The following SLC24A4 variants were observed in gnomAD, a reference collection of about 807,000 sequenced individuals.
The protein encoded by SLC24A4 is sodium/potassium/calcium exchanger 4.
Under a neutral mutation model 79.0 loss-of-function variants are expected in SLC24A4, and 53 were observed. That is an observed-to-expected ratio of 0.67 (90% CI 0.54 to 0.84). The LOEUF is 0.84. Ranked by LOEUF, SLC24A4 falls within the 40% of genes least tolerant of loss-of-function variation. SLC24A4 has a pLI of 0.00. For missense variants in SLC24A4, 731 were observed against 822.0 expected, an observed-to-expected ratio of 0.89 and a Z score of 1.35; for synonymous variants, 323 against 323.8, an observed-to-expected ratio of 1.00 and a Z score of 0.03.
At chr14:92,325,317 C>A (rs1465711882) in intron 1 of SLC24A4, among the ~76,000 whole-genome samples, 4 of 152,168 alleles carry the variant, frequency 2.6e-5, no homozygotes, top group Admixed American at 1.3e-4. Context: ...CAGTATGGCC[C>A]CTGGACCAGC....
At chr14:92,436,527 T>A (rs571138510) in intron 3 of SLC24A4, among the ~76,000 whole-genome samples, 2 of 152,348 alleles carry the variant, frequency 1.3e-5, no homozygotes, top group South Asian at 4.1e-4. Context: ...GTTGTGGAAG[T>A]GACTATTTGG....
chr14:92,473,718 C>G (rs541269084), intron 12 of SLC24A4, among the ~76,000 whole-genome samples: 2 of 152,298 alleles, frequency 1.3e-5, no homozygotes, highest in East Asian at 3.9e-4. Flanking sequence ...GTCCCTGATT[C>G]ATCTCCTGAC....
Position 92,441,665 on chromosome 14 carries a change from C to A in SLC24A4, c.394-424C>A, listed in dbSNP as rs1892505098. Among the ~76,000 whole-genome samples, 1 of 152,228 alleles carries A rather than the reference C, an allele frequency of 6.6e-6. No homozygotes were observed. The highest frequency in any genetic ancestry group is 6.5e-5 in the Admixed American group (1 of 15,286). ...ACCAGGGATGCAAAGTTGGGAAAGA[C>A]CAGTTGCTGCCCTCATCATCCGGTG... is the stretch of plus-strand genomic sequence containing the variant. On this transcript the variant is annotated intron_variant, in intron 4 of 16. Transcript: ENST00000532405. This position sits in a 1 kb window ranked among gnomAD's most constrained non-coding sequence, Gnocchi z 4.6.
In SLC24A4 at chr14:92,439,338, C is replaced by T; in HGVS notation, c.322C>T (p.Leu108=). ...CTGTCTCCTCTCTCCTTTGCAGGCT[C>T]TGTATATGTTCTATGCCTTGGCCAT... The part of the protein sequence containing the change: ...GAVLLHILGA[L]YMFYALAIVC... The change falls in exon 4 of 17, where the codon CTG becomes TTG. Residue 108 remains leucine (L), a synonymous_variant. Transcript: ENST00000532405. 1 of 1,612,364 alleles carries T rather than the reference C, an allele frequency of 6.2e-7. No homozygotes were observed. The highest frequency in any genetic ancestry group is 8.5e-7 in the Non-Finnish European group (1 of 1,178,684).
chr14:92,460,454 G>A (rs1893735176), intron 12 of SLC24A4, among the ~76,000 whole-genome samples: 1 of 152,198 alleles, frequency 6.6e-6, no homozygotes, highest in Non-Finnish European at 1.5e-5. Context: ...GGACTACAGT[G>A]TTCTAGAAAG....
chr14:92,433,361 A>G (rs1045287957), intron 2 of SLC24A4, among the ~76,000 whole-genome samples: 3 of 152,172 alleles, frequency 2.0e-5, no homozygotes, highest in African/African-American at 7.2e-5. Context: ...CATTTGATTT[A>G]GATTATTTCC....
chr14:92,461,388 CAG>C (rs1203287592), intron 12 of SLC24A4, among the ~76,000 whole-genome samples: 3 of 152,220 alleles, frequency 2.0e-5, no homozygotes, highest in South Asian at 4.1e-4. Context: ...GCCGTCCTAA[CAG>C]AATGTCACCG....
rs1268834650 is a variant in SLC24A4, at chr14:92,497,979, T to A, written c.*4351T>A. ...TCTCTAATGCCCTCAAGACGTGATT[T>A]CCATGGGAACCATCCTCCCCTGGGG... On this transcript the variant is annotated 3_prime_UTR_variant, in exon 17 of 17. Transcript: ENST00000532405. 6.6e-6 allele frequency: 1 copy of A among 152,214 alleles called. No individual in the cohort carries two copies. The highest frequency in any genetic ancestry group is 1.5e-5 in the Non-Finnish European group (1 of 68,048). The allele number at this position is 152,214 out of a possible 1,614,324, so 9.4% of individuals were successfully genotyped here. A position where few individuals can be genotyped will look rare whatever the true frequency, so the allele number is the denominator to read the frequency against.
At chr14:92,457,067 A>C (rs1375886333) in intron 12 of SLC24A4, among the ~76,000 whole-genome samples, 1 of 152,208 alleles carries the variant, frequency 6.6e-6, no homozygotes, top group African/African-American at 2.4e-5. Flanking sequence ...TTAGACAGTC[A>C]TACCTTGTGT....
chr14:92,460,240 G>A (rs955857350), intron 12 of SLC24A4, among the ~76,000 whole-genome samples: 1 of 152,186 alleles, frequency 6.6e-6, no homozygotes, highest in African/African-American at 2.4e-5. Context: ...GTCTGGGCAA[G>A]CTCCTTCACC....
Position 92,376,960 on chromosome 14 carries a change from G to A in SLC24A4, c.241+50982G>A, listed in dbSNP as rs771485520. Among the ~76,000 whole-genome samples, 9 of 152,222 alleles carry A rather than the reference G, an allele frequency of 5.9e-5. 1 individual carries two copies. The highest frequency in any genetic ancestry group is 7.4e-5 in the Non-Finnish European group (5 of 68,026). ...TCTGGCCCAAAATGTCAGCAGTGCTGAGGCTGGGAACACTCGTCTGAGTGA... is the reference window on the plus strand; with the variant it reads ...TCTGGCCCAAAATGTCAGCAGTGCTAAGGCTGGGAACACTCGTCTGAGTGA... On this transcript the variant is annotated intron_variant, in intron 2 of 16. Transcript: ENST00000532405.
chr14:92,348,311 G>A (rs1267579260), intron 2 of SLC24A4, among the ~76,000 whole-genome samples: 1 of 152,236 alleles, frequency 6.6e-6, no homozygotes, highest in Non-Finnish European at 1.5e-5. Flanking sequence ...CATTGACACA[G>A]TAGTATTTTT....
rs190828583 is a variant in SLC24A4, at chr14:92,326,467, G to A, written c.241+489G>A. On this transcript the variant is annotated intron_variant, in intron 2 of 16. Transcript: ENST00000532405. ...CGGCTGTTTCTCTCAAATGGGAGTC[G>A]GCACGGTGTCATTCAGCCCTGGAGA... is the stretch of plus-strand genomic sequence containing the variant. Among the ~76,000 whole-genome samples, 481 of 149,890 alleles carry A rather than the reference G, an allele frequency of 3.2e-3. 2 individuals are homozygous for A. The highest frequency in any genetic ancestry group is 6.9e-3 in the Middle Eastern group (2 of 288).
At chr14:92,430,190 A>C (rs779074102) in intron 2 of SLC24A4, among the ~76,000 whole-genome samples, 6 of 152,198 alleles carry the variant, frequency 3.9e-5, no homozygotes, top group Non-Finnish European at 7.3e-5. Flanking sequence ...ACCCTCTGAG[A>C]GGAAGAGCTG....
Position 92,490,671 on chromosome 14 carries a change from G to A in SLC24A4, c.1538-994G>A, listed in dbSNP as rs911705697. Among the ~76,000 whole-genome samples, 5 of 152,194 alleles carry A rather than the reference G, an allele frequency of 3.3e-5. No homozygotes were observed. The highest frequency in any genetic ancestry group is 7.3e-5 in the Non-Finnish European group (5 of 68,032). ...AAGCCTCAGTTTCATCTTCTGTCACGCGAGGTTATGCCCCACTCCGGCCTC... is the reference window on the plus strand; with the variant it reads ...AAGCCTCAGTTTCATCTTCTGTCACACGAGGTTATGCCCCACTCCGGCCTC... On this transcript the variant is annotated intron_variant, in intron 14 of 16. Coordinates refer to ENST00000532405, the MANE Select transcript of SLC24A4 (RefSeq NM_153646.4). The surrounding 1 kb of genome is among the most constrained non-coding windows in gnomAD (Gnocchi z 4.3).
chr14:92,486,199 A>G (rs1895347049), intron 13 of SLC24A4, among the ~76,000 whole-genome samples: 1 of 152,188 alleles, frequency 6.6e-6, no homozygotes, highest in African/African-American at 2.4e-5. Flanking sequence ...TTGGAAATGG[A>G]TTGTCCATTT....
chr14:92,463,344 G>A (rs766185325), intron 12 of SLC24A4, among the ~76,000 whole-genome samples: 4 of 152,102 alleles, frequency 2.6e-5, no homozygotes, highest in East Asian at 1.9e-4. Flanking sequence ...TCCTCTTAGC[G>A]TCTCGGCACG....
chr14:92,468,039 C>G (rs570412322), intron 12 of SLC24A4, among the ~76,000 whole-genome samples: 140 of 152,132 alleles, frequency 9.2e-4, no homozygotes, highest in African/African-American at 3.3e-3. Context: ...CTAAGGAACC[C>G]ACACAAAAAT....
At chr14:92,464,866 C>G (rs1438430868) in intron 12 of SLC24A4, among the ~76,000 whole-genome samples, 1 of 152,182 alleles carries the variant, frequency 6.6e-6, no homozygotes, top group African/African-American at 2.4e-5. Flanking sequence ...ACCCAAGGGC[C>G]GCCAAGAAAC....
Sources: gnomAD v4.1 joint callset for allele counts (sites outside exome capture counted in the v4.1 genomes callset) on GRCh38, gnomAD v4.1.1 for gene constraint, Gnocchi (gnomAD v3.1) non-coding constraint, MANE v1.5 for transcripts, NCBI Gene and HGNC (gene_info 2026-07-23, HGNC 2026-07-21) for gene names.